ZNF226: variants seen among roughly 807,000 people sequenced by gnomAD.
The protein encoded by ZNF226 is zinc finger protein 226.
In ZNF226, 6 loss-of-function variants were observed where a neutral mutation model predicts 11.4. That is an observed-to-expected ratio of 0.53 (90% CI 0.29 to 1.04). ZNF226 has a LOEUF of 1.04. Among genes scored for constraint, ZNF226 ranks in the 50% least tolerant of loss-of-function variants. The pLI is 0.08. For missense variants in ZNF226, 1,058 were observed against 956.5 expected (o/e 1.11, Z -1.40); for synonymous variants, 350 against 322.8 (o/e 1.08, Z -0.90).
chr19:44,179,809 G>C (rs962178319), downstream of ZNF226, among the ~76,000 whole-genome samples: 1 of 151,812 alleles, frequency 6.6e-6, no homozygotes, highest in African/African-American at 2.4e-5. Context: ...GAGGCCAGGT[G>C]CGGTTGCTCG....
the ZNF226 span, among the ~76,000 whole-genome samples, chr19:44,188,235 A>G: frequency 6.6e-6 from 1 of 152,230 alleles, no homozygotes; most frequent in East Asian, 1.9e-4. Context: ...GTATCCTACT[A>G]TTATTGTGTT....
rs146864987 is a variant in ZNF226, at chr19:44,174,822, G to A, written c.236-676G>A. The A allele has an allele frequency of 3.2e-4, 187 of 579,712 alleles. 1 individual carries two copies. Among genetic ancestry groups the A allele is most frequent in the Middle Eastern group, 2.9e-3 (10 of 3,494 alleles). The allele number at this position is 579,712 out of a possible 1,614,324, so 35.9% of individuals were successfully genotyped here. Reference sequence around the variant, plus strand: ...ATTTTGACTCAGTGCAAAAGCCTTAGAAGGATCCAGTGCATAGGTCTTCAT... The same window carrying A: ...ATTTTGACTCAGTGCAAAAGCCTTAAAAGGATCCAGTGCATAGGTCTTCAT... On this transcript the variant is annotated intron_variant, in intron 5 of 5. Transcript: ENST00000337433.
the ZNF226 span, among the ~76,000 whole-genome samples, chr19:44,183,798 T>C: frequency 2.6e-5 from 4 of 152,348 alleles, no homozygotes; most frequent in Admixed American, 6.5e-5. Flanking sequence ...GCACCTGATA[T>C]AGAGAGCCAC....
rs1197656051 is a variant in ZNF226 at position 44,175,590 on chromosome 19, G to T, written c.328G>T (p.Asp110Tyr). The T allele has an allele frequency of 2.5e-6, 4 of 1,613,554 alleles. No homozygotes were observed. In the South Asian group the frequency reaches 3.3e-5, roughly 13 times the overall value. ...GCAAATCTGGCAACAAATTGCAAAT[G>T]ACTTAACCAGGTGTCAAGACTCCAT... is the stretch of plus-strand genomic sequence containing the variant. Reference protein sequence around the residue: ...CWQIWQQIANDLTRCQDSMIN... With the variant: ...CWQIWQQIANYLTRCQDSMIN... The change falls in exon 6 of 6, where the codon GAC becomes TAC. Residue 110 changes from aspartate to tyrosine, a missense_variant. Coordinates refer to ENST00000337433, the MANE Select transcript of ZNF226 (RefSeq NM_001032373.2).
At chr19:44,179,025 C>T (rs1207047415), downstream of ZNF226, among the ~76,000 whole-genome samples, 1 of 152,032 alleles carries the variant, frequency 6.6e-6, no homozygotes, top group Non-Finnish European at 1.5e-5. Context: ...ACTAAAAATA[C>T]AAAAGGTAGC....
intron 5 of ZNF226, chr19:44,175,030 T>A: frequency 6.2e-7 from 1 of 1,611,604 alleles, no homozygotes; most frequent in Non-Finnish European, 8.5e-7. Context: ...TGGCTCAAAC[T>A]TAAACTTGGA....
chr19:44,197,544 T>A, the ZNF226 span, among the ~76,000 whole-genome samples: 29 of 152,198 alleles, frequency 1.9e-4, no homozygotes, highest in Non-Finnish European at 3.8e-4. Flanking sequence ...GAGTAATTTT[T>A]AAAAAATCAG....
the ZNF226 span, among the ~76,000 whole-genome samples, chr19:44,194,451 G>T: frequency 6.6e-6 from 1 of 151,788 alleles, no homozygotes; most frequent in East Asian, 1.9e-4. Context: ...AATTTCTAAA[G>T]AAATATTTTT....
In ZNF226 at chr19:44,177,095, A is replaced by G. The variant is rs1056674018; in HGVS notation, c.1833A>G (p.Gly611=). The change falls in exon 6 of 6, where the codon GGA becomes GGG. Residue 611 remains glycine, a synonymous_variant. Coordinates refer to ENST00000337433, the MANE Select transcript of ZNF226 (RefSeq NM_001032373.2). The part of the protein sequence containing the change: ...DLKIHCRIHT[G]EKPYNCEECG... ...AAATTCACTGTAGGATCCACACAGG[A>G]GAGAAACCATATAATTGTGAGGAGT... 1.2e-6 allele frequency: 2 copies of G among 1,614,164 alleles called. No homozygotes were observed. Among genetic ancestry groups the G allele is most frequent in the Non-Finnish European group, 1.7e-6 (2 of 1,180,018 alleles).
At chr19:44,193,461 C>G in the ZNF226 span, among the ~76,000 whole-genome samples, 2 of 150,748 alleles carry the variant, frequency 1.3e-5, no homozygotes, top group East Asian at 3.9e-4. Context: ...TTTTCTTTTG[C>G]CTTTGATAGG....
At chr19:44,165,261 G>A (rs1020732831) in intron 1 of ZNF226, 119 bp downstream of exon 1, 1 of 152,188 alleles carries the variant, frequency 6.6e-6, no homozygotes, top group Non-Finnish European at 1.5e-5. Flanking sequence ...GAGGGGCCAG[G>A]ATGCTGTTTT....
At chr19:44,180,243 CTG>C (rs763625660), downstream of ZNF226, among the ~76,000 whole-genome samples, 27 of 152,148 alleles carry the variant, frequency 1.8e-4, no homozygotes, top group Non-Finnish European at 2.6e-4. Context: ...TGAAAACAAA[CTG>C]GGAACAGGCA....
chr19:44,182,797 A>G (rs1191082081), downstream of ZNF226, among the ~76,000 whole-genome samples: 1 of 152,214 alleles, frequency 6.6e-6, no homozygotes, highest in Non-Finnish European at 1.5e-5. Context: ...CACAATGATC[A>G]GCAAAGTCAA....
intron 5 of ZNF226, 127 bp from the exon 6 acceptor site, chr19:44,175,371 A>T (rs552464926): frequency 1.4e-6 from 2 of 1,429,596 alleles, no homozygotes; most frequent in South Asian, 1.6e-5. Context: ...GAAACTTCAA[A>T]TGTGTCACAA....
chr19:44,192,520 C>A, the ZNF226 span, among the ~76,000 whole-genome samples: 1 of 150,692 alleles, frequency 6.6e-6, no homozygotes, highest in Admixed American at 6.6e-5. Flanking sequence ...AACCTTAATT[C>A]TTTCAAAGCA....
chr19:44,178,791 G>T (rs1970859774), downstream of ZNF226, among the ~76,000 whole-genome samples: 1 of 152,142 alleles, frequency 6.6e-6, no homozygotes, highest in African/African-American at 2.4e-5. Flanking sequence ...AATGAATTTT[G>T]TAAAAATAGA....
the ZNF226 span, among the ~76,000 whole-genome samples, chr19:44,197,603 C>T: frequency 1.3e-5 from 2 of 152,154 alleles, no homozygotes; most frequent in Admixed American, 6.5e-5. Context: ...TTAATTTATA[C>T]TGCTGTAATG....
chr19:44,191,474 A>G, the ZNF226 span, among the ~76,000 whole-genome samples: 1 of 152,178 alleles, frequency 6.6e-6, no homozygotes, highest in Non-Finnish European at 1.5e-5. Context: ...TCACTTTATT[A>G]TTTGACATTG....
Position 44,176,168 on chromosome 19 carries a change from T to C in ZNF226, c.906T>C (p.His302=), listed in dbSNP as rs1409117682. Residue 302 remains histidine (H), a synonymous_variant, in exon 6 of 6, where the codon CAT becomes CAC. Coordinates refer to ENST00000337433, the MANE Select transcript of ZNF226 (RefSeq NM_001032373.2). Reference sequence around the variant, plus strand: ...TTCTTCCTGTTCATCAGAAAGTACATGTGGGAGAAAAACTTAAGTGTGATG... The same window carrying C: ...TTCTTCCTGTTCATCAGAAAGTACACGTGGGAGAAAAACTTAAGTGTGATG... ...SPVLPVHQKV[H]VGEKLKCDEC... is the part of the protein sequence containing the mutation. 7.4e-6 allele frequency: 12 copies of C among 1,614,150 alleles called. No individual in the cohort carries two copies. The Admixed American group carries it at 1.0e-4, about 13-fold the overall frequency.
Sources: gnomAD v4.1 joint callset for allele counts (sites outside exome capture counted in the v4.1 genomes callset) on GRCh38, gnomAD v4.1.1 for gene constraint, MANE v1.5 for transcripts, NCBI Gene and HGNC (gene_info 2026-07-23, HGNC 2026-07-21) for gene names.